Variants in SNX29 observed in about 807,000 individuals in gnomAD.
SNX29 encodes sorting nexin-29.
In SNX29, 78 loss-of-function variants were observed where a neutral mutation model predicts 102.1. That is an observed-to-expected ratio of 0.76 (90% CI 0.64 to 0.92). SNX29 has a LOEUF of 0.92. SNX29 is among the 40% of genes least tolerant of loss of function. SNX29 has a pLI of 0.00. For synonymous variants in SNX29, 580 were observed against 414.5 expected (o/e 1.40, Z -4.85); for missense variants, 1,280 against 1,061.7 (o/e 1.21, Z -2.86).
At chr16:12,217,227 C>G (rs1256858711) in intron 14 of SNX29, among the ~76,000 whole-genome samples, 1 of 152,092 alleles carries the variant, frequency 6.6e-6, no homozygotes, top group Non-Finnish European at 1.5e-5. Flanking sequence ...ACGATGTTTC[C>G]CAGGCTGGTC....
At chr16:12,038,341 G>C (rs1214484467) in intron 4 of SNX29, among the ~76,000 whole-genome samples, 1 of 152,162 alleles carries the variant, frequency 6.6e-6, no homozygotes, top group Non-Finnish European at 1.5e-5. Flanking sequence ...GTTAAGGCTT[G>C]ATAGAAACTT....
intron 20 of SNX29, chr16:12,526,444 A>G (rs2076785555): frequency 2.3e-6 from 1 of 432,892 alleles, no homozygotes; most frequent in Middle Eastern, 3.4e-4. Flanking sequence ...GTGAGAAGAC[A>G]TTATAGTATC....
chr16:12,122,860 T>G (rs1456716462), intron 11 of SNX29, among the ~76,000 whole-genome samples: 2 of 152,200 alleles, frequency 1.3e-5, no homozygotes, highest in African/African-American at 4.8e-5. Context: ...GGAGTCTCAC[T>G]CTGTCACCCA....
intron 14 of SNX29, among the ~76,000 whole-genome samples, chr16:12,241,002 G>A (rs1406750423): frequency 3.3e-5 from 5 of 152,052 alleles, no homozygotes; most frequent in Non-Finnish European, 5.9e-5. Context: ...ATCAAATCCG[G>A]TGACTTTTTT....
At chr16:12,038,524 G>C (rs529272062) in intron 4 of SNX29, among the ~76,000 whole-genome samples, 35 of 152,288 alleles carry the variant, frequency 2.3e-4, no homozygotes, top group Admixed American at 1.6e-3. Flanking sequence ...GCAGATCAGT[G>C]TATATCCCTA....
intron 19 of SNX29, among the ~76,000 whole-genome samples, chr16:12,501,229 C>G (rs1008141157): frequency 6.6e-6 from 1 of 152,028 alleles, no homozygotes; most frequent in Non-Finnish European, 1.5e-5. Context: ...GACCCCATCC[C>G]TACAAAAACA....
rs1286723253 is a variant in SNX29, at chr16:12,243,435, A to C, written c.1679-34498A>C. 2.6e-5 allele frequency among the ~76,000 whole-genome samples: 4 copies of C among 152,206 alleles called. No homozygotes were observed. In the East Asian group the frequency reaches 7.7e-4, roughly 29 times the overall value. ...GTAAGTATTTGATGTCTCTATGATG[A>C]ATTTATTAATAGTTTAATAAGAACA... is the stretch of plus-strand genomic sequence containing the variant. On this transcript the variant is annotated intron_variant, in intron 14 of 20. Coordinates refer to ENST00000566228, the MANE Select transcript of SNX29 (RefSeq NM_032167.5).
At chr16:12,457,397 T>TG (rs1002021166) in intron 18 of SNX29, among the ~76,000 whole-genome samples, 3 of 152,144 alleles carry the variant, frequency 2.0e-5, no homozygotes, top group African/African-American at 4.8e-5. Context: ...TTCTCTGGAG[T>TG]GGGGCCTCCC....
chr16:12,415,509 T>C (rs1003044681), intron 18 of SNX29, among the ~76,000 whole-genome samples: 4 of 152,204 alleles, frequency 2.6e-5, no homozygotes, highest in East Asian at 3.9e-4. Context: ...TAAAAAACTT[T>C]CTAAAATGAA....
chr16:12,374,095 C>A (rs957967969), intron 16 of SNX29, among the ~76,000 whole-genome samples: 4 of 152,222 alleles, frequency 2.6e-5, no homozygotes, highest in African/African-American at 9.7e-5. Flanking sequence ...CTCCAGGTCC[C>A]CTCTGGAATA....
rs76310391 is a variant in SNX29, at chr16:12,213,381, T to C, written c.1678+13698T>C. Among the ~76,000 whole-genome samples the C allele has an allele frequency of 2.4e-4, 37 of 152,292 alleles. No homozygotes were observed. In the East Asian group the frequency reaches 6.7e-3, roughly 28 times the overall value. ...CTACCTATTGGGTCTAGAGTACATG[T>C]TGTTTGAGTGACAGGTACACTGAAA... is the stretch of plus-strand genomic sequence containing the variant. On this transcript the variant is annotated intron_variant, in intron 14 of 20. Coordinates refer to ENST00000566228, the MANE Select transcript of SNX29 (RefSeq NM_032167.5).
In SNX29 at chr16:12,570,361, C is replaced by A. The variant is rs2079161085; in HGVS notation, c.*1732C>A. 1 of 497,430 alleles carries A rather than the reference C, an allele frequency of 2.0e-6. No homozygotes were observed. The highest frequency in any genetic ancestry group is 2.8e-6 in the Non-Finnish European group (1 of 359,446). 30.8% of individuals were successfully genotyped at this position (497,430 alleles called of 1,614,324 possible). On this transcript the variant is annotated 3_prime_UTR_variant, in exon 21 of 21. Transcript: ENST00000566228. Reference sequence around the variant, plus strand: ...TCCCACTCACCTGCCAACATTGCTGCAATACACATGGTTTATCTGAAATTC... The same window carrying A: ...TCCCACTCACCTGCCAACATTGCTGAAATACACATGGTTTATCTGAAATTC...
intron 11 of SNX29, among the ~76,000 whole-genome samples, chr16:12,079,556 G>T (rs188880595): frequency 5.3e-5 from 8 of 152,156 alleles, no homozygotes; most frequent in Non-Finnish European, 1.0e-4. Flanking sequence ...GGAAGAAGGC[G>T]TTTGGGAGGC....
intron 1 of SNX29, among the ~76,000 whole-genome samples, chr16:11,996,540 C>G (rs1237113210): frequency 2.0e-5 from 3 of 152,102 alleles, no homozygotes; most frequent in Admixed American, 6.5e-5. Context: ...TGTTATTATT[C>G]TATTTTTTTC....
At chr16:12,333,471 G>T (rs1010714648) in intron 15 of SNX29, among the ~76,000 whole-genome samples, 1 of 152,100 alleles carries the variant, frequency 6.6e-6, no homozygotes, top group Admixed American at 6.5e-5. Flanking sequence ...AGAGAAGAAA[G>T]CTGAAGCTCA....
At chr16:12,343,347 C>G (rs2081671702) in intron 15 of SNX29, among the ~76,000 whole-genome samples, 1 of 152,238 alleles carries the variant, frequency 6.6e-6, no homozygotes, top group Non-Finnish European at 1.5e-5. Flanking sequence ...TACTAAATAA[C>G]TTCTGTGTCC....
At chr16:12,070,810 C>T (rs1344506916) in intron 10 of SNX29, among the ~76,000 whole-genome samples, 4 of 152,136 alleles carry the variant, frequency 2.6e-5, no homozygotes, top group Non-Finnish European at 4.4e-5. Context: ...TAAAAGTGTT[C>T]CTATTTCTCC....
At chr16:12,330,492 A>G (rs2081262946) in intron 15 of SNX29, among the ~76,000 whole-genome samples, 3 of 152,330 alleles carry the variant, frequency 2.0e-5, no homozygotes, top group South Asian at 4.1e-4. Flanking sequence ...CACGCAATGC[A>G]TCTGTGAGCC....
chr16:12,365,614 C>T (rs1026926917), intron 16 of SNX29, among the ~76,000 whole-genome samples: 8 of 150,870 alleles, frequency 5.3e-5, no homozygotes, highest in Non-Finnish European at 7.4e-5. Flanking sequence ...CGCTTGAACC[C>T]GGGTGGCGGA....
Sources: allele counts gnomAD v4.1 joint callset (sites outside exome capture counted in the v4.1 genomes callset), GRCh38; gene constraint gnomAD v4.1.1; transcripts MANE v1.5; gene names NCBI Gene and HGNC (gene_info 2026-07-23, HGNC 2026-07-21).